The following CTBP1 variants were observed in gnomAD, a reference collection of about 807,000 sequenced individuals.
CTBP1 encodes the protein C-terminal binding protein 1, also known as C-terminal-binding protein 1.
Under a neutral mutation model 42.1 loss-of-function variants are expected in CTBP1, and 11 were observed. That is an observed-to-expected ratio of 0.26 (90% confidence interval 0.16 to 0.43). The LOEUF is 0.43. Ranked by LOEUF, CTBP1 falls within the 20% of genes least tolerant of loss-of-function variation. CTBP1 has a pLI of 1.00. For missense variants in CTBP1, 399 were observed against 624.3 expected, an observed-to-expected ratio of 0.64 and a Z score of 3.85; for synonymous variants, 324 against 277.1, an observed-to-expected ratio of 1.17 and a Z score of -1.68.
chr4:1,243,949 G>A (rs766488306), intron 1 of CTBP1: 2 of 985,358 alleles, frequency 2.0e-6, no homozygotes, highest in Admixed American at 1.2e-4. Context: ...ACCCACGAGG[G>A]AAGTGAGTGT....
Position 1,215,889 on chromosome 4 carries a change from G to C in CTBP1, c.729+102C>G, listed in dbSNP as rs949804140. 10 of 1,283,492 alleles carry C rather than the reference G, an allele frequency of 7.8e-6. No homozygotes were observed. In the African/African-American group the frequency reaches 8.8e-5, roughly 11 times the overall value. The allele number at this position is 1,283,492 out of a possible 1,614,324, so 79.5% of individuals were successfully genotyped here. ...CCGCCATGTGGCTCGCTGAAGGCAG[G>C]GTCTTGCCCAGGTGCAGATGGCTGC... On this transcript the variant is annotated intron_variant, in intron 6 of 9. Transcript: ENST00000382952.
intron 3 of CTBP1, among the ~76,000 whole-genome samples, chr4:1,234,084 G>A (rs554217952): frequency 1.3e-5 from 2 of 152,188 alleles, no homozygotes; most frequent in Admixed American, 6.5e-5. Flanking sequence ...CTGTTCTGGA[G>A]CTCAATCCTT....
Position 1,238,115 on chromosome 4 carries a change from G to T in CTBP1, c.162+68C>A, listed in dbSNP as rs778314820. ...AGACCTGCTGTGGCCCGGGCCTGCC[G>T]TGCTCCCGTCCCTCCAACTCCCCCC... On this transcript the variant is annotated intron_variant, in intron 3 of 9. Coordinates refer to ENST00000382952, the MANE Select transcript of CTBP1 (RefSeq NM_001012614.2). This position sits in a 1 kb window ranked among gnomAD's most constrained non-coding sequence, Gnocchi z 5.9. 1 of 1,602,398 alleles carries T rather than the reference G, an allele frequency of 6.2e-7. No homozygotes were observed. Among genetic ancestry groups the T allele is most frequent in the Non-Finnish European group, 8.5e-7 (1 of 1,172,342 alleles).
At chr4:1,228,918 T>C (rs1730676940) in intron 3 of CTBP1, among the ~76,000 whole-genome samples, 1 of 152,198 alleles carries the variant, frequency 6.6e-6, no homozygotes, top group Non-Finnish European at 1.5e-5. Context: ...TGCCCCCGTG[T>C]CGCCCAAGAA....
At chr4:1,249,976 C>T (rs548525682), upstream of CTBP1, 156 of 166,024 alleles carry the variant, frequency 9.4e-4, 5 homozygotes, top group South Asian at 0.016. Flanking sequence ...AGGGGCTGCC[C>T]CTGCAGACTC....
In CTBP1 at chr4:1,249,012, G is replaced by C. The variant is rs946153671; in HGVS notation, c.-285C>G. ...ACTCCGGCGCGCTGCGCCGCCGCGA[G>C]CCCGGCGCGTGGGGCGGCCTCGGCG... On this transcript the variant is annotated 5_prime_UTR_variant, in exon 1 of 10. Transcript: ENST00000382952. The C allele has an allele frequency of 1.1e-6, 1 of 897,728 alleles. No homozygotes were observed. The highest frequency in any genetic ancestry group is 1.8e-5 in the African/African-American group (1 of 54,712). 55.6% of individuals were successfully genotyped at this position (897,728 alleles called of 1,614,324 possible). A position where few individuals can be genotyped will look rare whatever the true frequency, so the allele number is the denominator to read the frequency against.
chr4:1,249,804 T>G (rs979184675), upstream of CTBP1: 9 of 243,272 alleles, frequency 3.7e-5, no homozygotes, highest in Non-Finnish European at 6.1e-5. Context: ...CCCATTTCTC[T>G]TTTAACAAGA....
intron 2 of CTBP1, among the ~76,000 whole-genome samples, chr4:1,240,250 T>C (rs1267379159): frequency 1.6e-5 from 2 of 126,930 alleles, no homozygotes; most frequent in Non-Finnish European, 3.3e-5. Flanking sequence ...CACTCCCGGG[T>C]GCTGGGTGAG....
intron 5 of CTBP1, chr4:1,217,793 T>C (rs1439436388): frequency 6.6e-6 from 1 of 152,162 alleles, no homozygotes; most frequent in Admixed American, 6.5e-5. Context: ...AGTTTCTAAT[T>C]AGAACAAAAC....
At chr4:1,225,943 T>A (rs1451779102) in intron 4 of CTBP1, among the ~76,000 whole-genome samples, 1 of 151,950 alleles carries the variant, frequency 6.6e-6, no homozygotes, top group East Asian at 1.9e-4. Context: ...GGTACCCTGC[T>A]GGGAGGCTGT....
rs1351199382 is a variant in CTBP1 at position 1,225,578 on chromosome 4, A to G, written c.308-12T>C. On this transcript the variant is annotated splice_polypyrimidine_tract_variant and intron_variant, in intron 4 of 9. Transcript: ENST00000382952. ...GCAGACGGCAATGCCTGTGGGGACAAGGACACGGCGGTCACCCCCGGGCCG... is the reference window on the plus strand; with the variant it reads ...GCAGACGGCAATGCCTGTGGGGACAGGGACACGGCGGTCACCCCCGGGCCG... The G allele has an allele frequency of 1.3e-6, 2 of 1,537,248 alleles. No individual in the cohort carries two copies. The highest frequency in any genetic ancestry group is 1.7e-6 in the Non-Finnish European group (2 of 1,145,746).
At chr4:1,231,782 C>T (rs1367501152) in intron 3 of CTBP1, among the ~76,000 whole-genome samples, 1 of 152,252 alleles carries the variant, frequency 6.6e-6, no homozygotes, top group Non-Finnish European at 1.5e-5. Context: ...TTCAGATTTC[C>T]AGAGAAACTG....
chr4:1,246,006 C>T (rs1479618027), intron 1 of CTBP1, among the ~76,000 whole-genome samples: 1 of 152,186 alleles, frequency 6.6e-6, no homozygotes, highest in Admixed American at 6.5e-5. Flanking sequence ...GGCAAAGAGC[C>T]ACCAAGAAAT....
Position 1,228,314 on chromosome 4 carries a change from C to T in CTBP1, c.192G>A (p.Met64Ile). Reference protein sequence around the residue: ...KVLNEAVGALMYHTITLTRED... With the variant: ...KVLNEAVGALIYHTITLTRED... ...CCCTGGTGAGAGTGATGGTGTGGTA[C>T]ATCAGGGCCCCCACAGCCTCGTTCA... The change falls in exon 4 of 10, where the codon ATG becomes ATA. Residue 64 changes from methionine to isoleucine, a missense_variant. This residue lies in a region of CTBP1 where 309 missense variants were observed against 497.5 expected (regional missense o/e 0.62). Transcript: ENST00000382952. 6.2e-7 allele frequency: 1 copy of T among 1,614,098 alleles called. No homozygotes were observed. The highest frequency in any genetic ancestry group is 8.5e-7 in the Non-Finnish European group (1 of 1,179,950).
intron 1 of CTBP1, chr4:1,244,857 G>A: frequency 2.0e-6 from 2 of 985,464 alleles, no homozygotes; most frequent in Non-Finnish European, 2.4e-6. Context: ...GGGCCTGGCG[G>A]TGCTGCCCAG....
At chr4:1,225,267 A>G in intron 5 of CTBP1, 93 bp downstream of exon 5, 5 of 1,416,740 alleles carry the variant, frequency 3.5e-6, no homozygotes, top group Non-Finnish European at 4.7e-6. Context: ...CAGCAGCCCC[A>G]CCCCGCCCCG....
At chr4:1,223,906 G>A (rs907550109) in intron 5 of CTBP1, among the ~76,000 whole-genome samples, 4 of 152,206 alleles carry the variant, frequency 2.6e-5, no homozygotes, top group Non-Finnish European at 2.9e-5. Context: ...GCTGCATGCC[G>A]GACCCAGGAC....
At chr4:1,223,129 C>T (rs1160832714) in intron 5 of CTBP1, among the ~76,000 whole-genome samples, 1 of 152,130 alleles carries the variant, frequency 6.6e-6, no homozygotes, top group African/African-American at 2.4e-5. Flanking sequence ...GTCCACAGAG[C>T]CCCGAGTCCC....
At chr4:1,242,332 C>G in intron 1 of CTBP1, 3 of 985,336 alleles carry the variant, frequency 3.0e-6, no homozygotes, top group Non-Finnish European at 3.6e-6. Flanking sequence ...CGAGGCTGAC[C>G]CCAACGTGCA....
Sources: allele counts gnomAD v4.1 joint callset (sites outside exome capture counted in the v4.1 genomes callset), GRCh38; gene constraint gnomAD v4.1.1; regional missense constraint gnomAD v4.1.1; non-coding constraint Gnocchi (gnomAD v3.1); transcripts MANE v1.5; gene names NCBI Gene and HGNC (gene_info 2026-07-23, HGNC 2026-07-21).